The following ATP2A2 variants were observed in gnomAD, a reference collection of about 807,000 sequenced individuals.
ATP2A2 encodes sarcoplasmic/endoplasmic reticulum calcium ATPase 2.
ATP2A2 carries 14 observed loss-of-function variants against 109.3 expected under a neutral mutation model. The observed-to-expected ratio is 0.13, with a 90% CI of 0.08 to 0.20. The LOEUF (loss-of-function observed/expected upper bound fraction) is 0.20. Among genes scored for constraint, ATP2A2 ranks in the 10% least tolerant of loss-of-function variants. The probability of loss-of-function intolerance (pLI) is 1.00; values close to 1 mark genes in which losing one functional copy is unlikely to be tolerated. For missense variants in ATP2A2, 657 were observed against 1,321.6 expected (o/e 0.50, Z 7.80); for synonymous variants, 506 against 490.9 (o/e 1.03, Z -0.41).
chr12:110,288,245 G>A (rs1394234888), intron 3 of ATP2A2, among the ~76,000 whole-genome samples: 1 of 150,746 alleles, frequency 6.6e-6, no homozygotes, highest in Non-Finnish European at 1.5e-5. Flanking sequence ...CTACAGGCAT[G>A]CCCTGCCATG....
intron 5 of ATP2A2, among the ~76,000 whole-genome samples, chr12:110,300,159 C>T (rs1187206360): frequency 7.6e-6 from 1 of 131,538 alleles, no homozygotes; most frequent in Admixed American, 7.8e-5. Flanking sequence ...TCTGTCCTCC[C>T]TCTTTTCCTT....
chr12:110,333,890 A>AAATAGCCTTACAGTGTTGTAAT, intron 10 of ATP2A2, 122 bp from the exon 11 acceptor site: 1 of 1,295,244 alleles, frequency 7.7e-7, no homozygotes, highest in Non-Finnish European at 1.1e-6. Context: ...AGGAGGATAA[A>AAATAGCCTTACAGTGTTGTAAT]AATGGCCTTA....
chr12:110,343,461 A>ATT, intron 16 of ATP2A2, 27 bp downstream of exon 16: 1 of 1,610,126 alleles, frequency 6.2e-7, no homozygotes, highest in Non-Finnish European at 8.5e-7. Context: ...TATATTACTG[A>ATT]TTTTTAAACA....
chr12:110,318,419 A>G (rs1324447829), intron 5 of ATP2A2, among the ~76,000 whole-genome samples: 3 of 152,172 alleles, frequency 2.0e-5, no homozygotes, highest in Non-Finnish European at 2.9e-5. Flanking sequence ...TGAAGAGGAC[A>G]TTGGTTGGTC....
intron 3 of ATP2A2, among the ~76,000 whole-genome samples, chr12:110,287,186 G>T (rs1872745293): frequency 6.6e-6 from 1 of 152,114 alleles, no homozygotes; most frequent in African/African-American, 2.4e-5. Context: ...CCGGGAGGCG[G>T]ATGTTGCAGT....
Position 110,283,512 on chromosome 12 carries a change from A to G in ATP2A2, c.219+717A>G, listed in dbSNP as rs193049434. On this transcript the variant is annotated intron_variant, in intron 3 of 19. Coordinates refer to ENST00000539276, the MANE Select transcript of ATP2A2 (RefSeq NM_170665.4). ...AAATGCAAAGAACTACAGCAGAAAA[A>G]GGGTGTTGGGGTGGCAAGTATATTT... 5.3e-4 allele frequency among the ~76,000 whole-genome samples: 80 copies of G among 152,320 alleles called. No homozygotes were observed. In the East Asian group the frequency reaches 0.014, roughly 28 times the overall value.
intron 5 of ATP2A2, among the ~76,000 whole-genome samples, chr12:110,320,795 A>G (rs1471050152): frequency 6.6e-6 from 1 of 152,238 alleles, no homozygotes; most frequent in South Asian, 2.1e-4. Context: ...TATATTGACA[A>G]ACTGTGCCGC....
intron 14 of ATP2A2, among the ~76,000 whole-genome samples, 194 bp downstream of exon 14, chr12:110,341,188 T>A (rs1879319418): frequency 6.6e-6 from 1 of 152,180 alleles, no homozygotes; most frequent in Admixed American, 6.5e-5. Context: ...TAGAGTCGTT[T>A]AAAACCCAGA....
intron 5 of ATP2A2, among the ~76,000 whole-genome samples, chr12:110,299,823 A>C (rs1234469788): frequency 3.3e-5 from 5 of 151,542 alleles, no homozygotes; most frequent in Non-Finnish European, 5.9e-5. Flanking sequence ...GGGTCTTGCC[A>C]TGTTGCTCAG....
At chr12:110,345,194 CCTGGACTTGGGAAATATA>C (rs1879725961) in intron 17 of ATP2A2, 37 bp from the exon 18 acceptor site, 1 of 1,613,164 alleles carries the variant, frequency 6.2e-7, no homozygotes, top group Non-Finnish European at 8.5e-7. Context: ...GGGGTTGGAG[CCTGGACTTGGGAAATATA>C]CTGGGCTGAT....
rs1341303690 is a variant in ATP2A2, at chr12:110,339,246, C to A, written c.1420-35C>A. 1.5e-5 allele frequency: 24 copies of A among 1,612,848 alleles called. No individual in the cohort carries two copies. The highest frequency in any genetic ancestry group is 2.0e-5 in the Non-Finnish European group (24 of 1,179,720). On this transcript the variant is annotated intron_variant, in intron 11 of 19. Transcript: ENST00000539276. This position sits in a 1 kb window ranked among gnomAD's most constrained non-coding sequence, Gnocchi z 4.4. ...GTTAGGTAAAAAAGTTCAGAAATTG[C>A]CACCCAGTAGTATCCATATTTGTTC...
At chr12:110,315,951 GT>G (rs1876623321) in intron 5 of ATP2A2, among the ~76,000 whole-genome samples, 1 of 152,072 alleles carries the variant, frequency 6.6e-6, no homozygotes, top group African/African-American at 2.4e-5. Context: ...GCTTGGTGTG[GT>G]GGTGGGCACC....
In ATP2A2 at chr12:110,347,791, CGTGA is replaced by C. The variant is rs1880022513; in HGVS notation, c.*1324_*1327del. 1.1e-5 allele frequency: 12 copies of C among 1,050,604 alleles called. No homozygotes were observed. In the South Asian group the frequency reaches 1.2e-4, roughly 11 times the overall value. 65.1% of individuals were successfully genotyped at this position (1,050,604 alleles called of 1,614,324 possible). A position where few individuals can be genotyped will look rare whatever the true frequency, so the allele number is the denominator to read the frequency against. ...ATGCCTTCCAACATCCATCAACTAA[CGTGA>C]GTATTTTCTTCCTGGGATTTGGATG... On this transcript the variant is annotated 3_prime_UTR_variant, in exon 20 of 20. Coordinates refer to ENST00000539276, the MANE Select transcript of ATP2A2 (RefSeq NM_170665.4).
At chr12:110,324,453 G>A (rs747644725) in intron 6 of ATP2A2, among the ~76,000 whole-genome samples, 10 of 151,684 alleles carry the variant, frequency 6.6e-5, no homozygotes, top group Admixed American at 2.0e-4. Context: ...GCGGAGTCTC[G>A]CTCTGTTGCC....
Position 110,342,187 on chromosome 12 carries a change from G to T in ATP2A2, c.2098-41G>T, listed in dbSNP as rs573329771. The T allele has an allele frequency of 6.2e-7, 1 of 1,609,448 alleles. No homozygotes were observed. Among genetic ancestry groups the T allele is most frequent in the South Asian group, 1.1e-5 (1 of 90,972 alleles). On this transcript the variant is annotated intron_variant, in intron 14 of 19. Transcript: ENST00000539276. The surrounding 1 kb of genome is among the most constrained non-coding windows in gnomAD (Gnocchi z 4.6). ...GCTTTTGCCTAGGGGTATGAATGTG[G>T]CATGCCAGTTGGCTGACCCAACCAT...
chr12:110,345,125 ATTGGGGTAAACCTC>A (rs1879719394), intron 17 of ATP2A2, 110 bp from the exon 18 acceptor site: 2 of 1,534,328 alleles, frequency 1.3e-6, no homozygotes, highest in Non-Finnish European at 1.8e-6. Context: ...TCTCCGAGAA[ATTGGGGTAAACCTC>A]TTGGCTGGCT....
At chr12:110,345,009 A>G in intron 17 of ATP2A2, 38 bp downstream of exon 17, 1 of 1,598,700 alleles carries the variant, frequency 6.3e-7, no homozygotes, top group Non-Finnish European at 8.6e-7. Context: ...TTACATGAGA[A>G]GTGTTGTGAG....
chr12:110,316,247 A>G (rs1313541728), intron 5 of ATP2A2, among the ~76,000 whole-genome samples: 2 of 152,182 alleles, frequency 1.3e-5, no homozygotes, highest in Non-Finnish European at 2.9e-5. Flanking sequence ...CTGACAGTCT[A>G]TGGAAATTTC....
Position 110,347,580 on chromosome 12 carries a change from G to A in ATP2A2, c.*1110G>A, listed in dbSNP as rs910091970. The stretch of plus-strand genomic sequence containing the variant: ...AGGGCAAGTGTGTATGTGTGTGTAT[G>A]TGTGTGTTTTGTAAAATCTGTAAAT... On this transcript the variant is annotated 3_prime_UTR_variant, in exon 20 of 20. Coordinates refer to ENST00000539276, the MANE Select transcript of ATP2A2 (RefSeq NM_170665.4). The A allele has an allele frequency of 4.0e-6, 5 of 1,250,274 alleles. No individual in the cohort carries two copies. Among genetic ancestry groups the A allele is most frequent in the South Asian group, 2.6e-5 (2 of 76,202 alleles). 77.4% of individuals were successfully genotyped at this position (1,250,274 alleles called of 1,614,324 possible).
Sources: gnomAD v4.1 joint callset for allele counts (sites outside exome capture counted in the v4.1 genomes callset) on GRCh38, gnomAD v4.1.1 for gene constraint, Gnocchi (gnomAD v3.1) non-coding constraint, MANE v1.5 for transcripts, NCBI Gene and HGNC (gene_info 2026-07-23, HGNC 2026-07-21) for gene names.